Variants in CREB3L2 observed in about 807,000 individuals in gnomAD.
CREB3L2 encodes the protein cAMP responsive element binding protein 3 like 2, also known as cyclic AMP-responsive element-binding protein 3-like protein 2.
In CREB3L2, 23 loss-of-function variants were observed where a neutral mutation model predicts 57.2. The observed-to-expected ratio is 0.40, with a 90% CI of 0.29 to 0.57. The LOEUF (loss-of-function observed/expected upper bound fraction) is 0.57. Ranked by LOEUF, CREB3L2 falls within the 20% of genes least tolerant of loss-of-function variation. The probability of loss-of-function intolerance (pLI) is 0.42; values close to 1 mark genes in which losing one functional copy is unlikely to be tolerated. For synonymous variants in CREB3L2, 268 were observed against 265.1 expected, an observed-to-expected ratio of 1.01 and a Z score of -0.11; for missense variants, 628 against 634.7, an observed-to-expected ratio of 0.99 and a Z score of 0.11.
chr7:137,997,696 C>G (rs555091707), intron 1 of CREB3L2, among the ~76,000 whole-genome samples: 1 of 151,958 alleles, frequency 6.6e-6, no homozygotes, highest in Non-Finnish European at 1.5e-5. Context: ...CAACTGCACT[C>G]TAGTCTGGGT....
chr7:137,901,513 G>C, intron 7 of CREB3L2, 91 bp from the exon 8 acceptor site: 1 of 746,104 alleles, frequency 1.3e-6, no homozygotes, highest in Non-Finnish European at 2.3e-6. Flanking sequence ...ATGAGGAAAA[G>C]GAGGGTTGGG....
chr7:137,923,373 A>G (rs1800378741), intron 2 of CREB3L2, among the ~76,000 whole-genome samples: 1 of 152,220 alleles, frequency 6.6e-6, no homozygotes, highest in African/African-American at 2.4e-5. Context: ...AATAGCGTGT[A>G]TTACAAACCC....
At chr7:137,881,170 G>A (rs1799282734) in intron 11 of CREB3L2, among the ~76,000 whole-genome samples, 1 of 152,134 alleles carries the variant, frequency 6.6e-6, no homozygotes, top group Non-Finnish European at 1.5e-5. Flanking sequence ...AAGGCACTGG[G>A]TCTTCTAGAG....
intron 1 of CREB3L2, among the ~76,000 whole-genome samples, chr7:137,967,167 G>A (rs981906443): frequency 2.0e-5 from 3 of 152,198 alleles, no homozygotes; most frequent in African/African-American, 4.8e-5. Flanking sequence ...GGAAGCGGGC[G>A]CTCACCAGAG....
intron 8 of CREB3L2, among the ~76,000 whole-genome samples, chr7:137,891,426 A>T (rs891972536): frequency 3.9e-5 from 6 of 152,210 alleles, no homozygotes; most frequent in African/African-American, 1.4e-4. Flanking sequence ...GAATGAGAAC[A>T]GTCATACAGT....
At chr7:137,902,338 C>G (rs1051410758) in intron 7 of CREB3L2, among the ~76,000 whole-genome samples, 1 of 152,090 alleles carries the variant, frequency 6.6e-6, no homozygotes, top group African/African-American at 2.4e-5. Flanking sequence ...CAATGCCCAT[C>G]ATACTTCTCC....
At chr7:137,887,973 G>C (rs1799459712) in intron 8 of CREB3L2, among the ~76,000 whole-genome samples, 1 of 152,004 alleles carries the variant, frequency 6.6e-6, no homozygotes, top group Non-Finnish European at 1.5e-5. Context: ...TTTTCCTGGA[G>C]ATAAAGTCTT....
At chr7:137,905,314 GATAC>G (rs1454292213) in intron 6 of CREB3L2, among the ~76,000 whole-genome samples, 2 of 144,924 alleles carry the variant, frequency 1.4e-5, no homozygotes, top group African/African-American at 2.5e-5. Flanking sequence ...ATTTTATATA[GATAC>G]ATAGAGTACA....
rs1249922839 is a variant in CREB3L2, at chr7:137,876,312, T to C, written c.*4164A>G. ...GGCACATTTAAGGCACAAATGAGCA[T>C]GTAAGGGAGGAATGTGCACGTGTGT... is the stretch of plus-strand genomic sequence containing the variant. On this transcript the variant is annotated 3_prime_UTR_variant, in exon 12 of 12. Coordinates refer to ENST00000330387, the MANE Select transcript of CREB3L2 (RefSeq NM_194071.4). 1 of 230,892 alleles carries C rather than the reference T, an allele frequency of 4.3e-6. No individual in the cohort carries two copies. The highest frequency in any genetic ancestry group is 2.3e-5 in the African/African-American group (1 of 44,256). 14.3% of individuals were successfully genotyped at this position (230,892 alleles called of 1,614,324 possible).
chr7:137,978,074 ATC>A (rs1414901777), intron 1 of CREB3L2, among the ~76,000 whole-genome samples: 1 of 152,126 alleles, frequency 6.6e-6, no homozygotes, highest in Admixed American at 6.5e-5. Context: ...TAGTCATCAT[ATC>A]AGCTTTGTGA....
intron 8 of CREB3L2, among the ~76,000 whole-genome samples, chr7:137,899,807 G>A (rs1281712318): frequency 6.6e-6 from 1 of 152,182 alleles, no homozygotes; most frequent in Non-Finnish European, 1.5e-5. Flanking sequence ...GGTAGTTTTA[G>A]CTTATGTCTA....
intron 1 of CREB3L2, among the ~76,000 whole-genome samples, chr7:137,949,688 T>C (rs1801060871): frequency 6.6e-6 from 1 of 152,224 alleles, no homozygotes; most frequent in Non-Finnish European, 1.5e-5. Flanking sequence ...ATCTAAGGGA[T>C]ATTTCATGAA....
intron 1 of CREB3L2, among the ~76,000 whole-genome samples, chr7:137,968,386 G>A (rs1426432813): frequency 6.6e-6 from 1 of 151,724 alleles, no homozygotes; most frequent in Non-Finnish European, 1.5e-5. Context: ...ACAGGCCCCA[G>A]TATGTGATGT....
chr7:137,977,140 G>A lies in CREB3L2; in HGVS notation c.102+24464C>T, dbSNP rs548612306. On this transcript the variant is annotated intron_variant, in intron 1 of 11. Coordinates refer to ENST00000330387, the MANE Select transcript of CREB3L2 (RefSeq NM_194071.4). ...CTGCACCTCCCACCATCCTTCCCAG[G>A]TTCCTCCCCCGTTATTCTGACTCCC... Among the ~76,000 whole-genome samples, 241 of 152,248 alleles carry A rather than the reference G, an allele frequency of 1.6e-3. 1 individual carries two copies. The highest frequency in any genetic ancestry group is 0.016 in the South Asian group (75 of 4,828).
At position 138,001,396 on chromosome 7, in the gene CREB3L2, T is replaced by C. The variant is rs2117342451; in HGVS notation, c.102+208A>G. On this transcript the variant is annotated intron_variant, in intron 1 of 11. Coordinates refer to ENST00000330387, the MANE Select transcript of CREB3L2 (RefSeq NM_194071.4). The surrounding 1 kb of genome is among the most constrained non-coding windows in gnomAD (Gnocchi z 4.2). ...CATGAATTGTTAAAGGAATACAAAG[T>C]GGCATTACTCTCATGAGAAATGTAA... 6.6e-6 allele frequency among the ~76,000 whole-genome samples: 1 copy of C among 152,266 alleles called. No homozygotes were observed. Among genetic ancestry groups the C allele is most frequent in the Middle Eastern group, 3.4e-3 (1 of 294 alleles).
intron 1 of CREB3L2, among the ~76,000 whole-genome samples, chr7:137,976,988 G>A (rs564854379): frequency 1.3e-5 from 2 of 152,284 alleles, no homozygotes; most frequent in Admixed American, 6.5e-5. Context: ...CAAAGGCCAA[G>A]GAATGGGTTG....
chr7:137,977,298 G>A (rs1262893486), intron 1 of CREB3L2, among the ~76,000 whole-genome samples: 1 of 152,222 alleles, frequency 6.6e-6, no homozygotes, highest in Non-Finnish European at 1.5e-5. Flanking sequence ...AAGTGCCGAG[G>A]TGGCAGAAGC....
chr7:137,973,244 G>T (rs367695926), intron 1 of CREB3L2, among the ~76,000 whole-genome samples: 26 of 151,554 alleles, frequency 1.7e-4, no homozygotes, highest in African/African-American at 6.3e-4. Context: ...AACTAACGAT[G>T]ACCTTAATCA....
intron 8 of CREB3L2, among the ~76,000 whole-genome samples, chr7:137,899,755 T>C (rs1457339215): frequency 6.6e-6 from 1 of 152,198 alleles, no homozygotes; most frequent in East Asian, 1.9e-4. Flanking sequence ...TGAGCACACA[T>C]TCCCAGAAAT....
Sources: gnomAD v4.1 joint callset for allele counts (sites outside exome capture counted in the v4.1 genomes callset) on GRCh38, gnomAD v4.1.1 for gene constraint, Gnocchi (gnomAD v3.1) non-coding constraint, MANE v1.5 for transcripts, NCBI Gene and HGNC (gene_info 2026-07-23, HGNC 2026-07-21) for gene names.